The following DNM3 variants were observed in gnomAD, a reference collection of about 807,000 sequenced individuals.
DNM3 encodes the protein dynamin 3.
DNM3 carries 47 observed loss-of-function variants against 101.6 expected under a neutral mutation model. That is an observed-to-expected ratio of 0.46 (90% CI 0.37 to 0.59). The LOEUF is 0.59. Ranked by LOEUF, DNM3 falls within the 20% of genes least tolerant of loss-of-function variation. The probability of loss-of-function intolerance (pLI) is 0.00; values close to 1 mark genes in which losing one functional copy is unlikely to be tolerated. For synonymous variants in DNM3, 385 were observed against 387.9 expected, an observed-to-expected ratio of 0.99 and a Z score of 0.09; for missense variants, 849 against 1,085.7, an observed-to-expected ratio of 0.78 and a Z score of 3.06.
intron 14 of DNM3, among the ~76,000 whole-genome samples, chr1:172,187,374 A>G (rs2059562828): frequency 6.6e-6 from 1 of 152,114 alleles, no homozygotes; most frequent in Non-Finnish European, 1.5e-5. Flanking sequence ...CAATCTTAGC[A>G]TTATAATATA....
chr1:172,220,252 G>T (rs963304866), intron 14 of DNM3, among the ~76,000 whole-genome samples: 6 of 152,162 alleles, frequency 3.9e-5, no homozygotes, highest in Non-Finnish European at 7.3e-5. Context: ...CTAAAGTTGA[G>T]CCTTTGAGTT....
chr1:172,181,821 G>GCA (rs2059357647), intron 14 of DNM3, among the ~76,000 whole-genome samples: 1,488 of 92,372 alleles, frequency 0.016, 34 homozygotes, highest in African/African-American at 0.051. Context: ...TTTTTTTTTT[G>GCA]AAAATAAACT....
intron 17 of DNM3, among the ~76,000 whole-genome samples, chr1:172,347,657 A>G (rs778002396): frequency 6.6e-6 from 1 of 152,228 alleles, no homozygotes; most frequent in African/African-American, 2.4e-5. Context: ...AAAATCCGAA[A>G]GAAAAGGATT....
rs554485638 is a variant in DNM3, at chr1:172,352,912, A to C, written c.1894-26106A>C. 3.3e-5 allele frequency among the ~76,000 whole-genome samples: 5 copies of C among 152,286 alleles called. No homozygotes were observed. The South Asian group carries it at 1.0e-3, about 32-fold the overall frequency. ...ACAAATGGTCTTGAAAATCCTTTCC[A>C]ATAGACACAAGCAAACACAATAGGG... is the stretch of plus-strand genomic sequence containing the variant. On this transcript the variant is annotated intron_variant, in intron 17 of 20. Transcript: ENST00000627582.
At chr1:172,230,004 T>G (rs1458114906) in intron 14 of DNM3, among the ~76,000 whole-genome samples, 1 of 152,190 alleles carries the variant, frequency 6.6e-6, no homozygotes, top group East Asian at 1.9e-4. Flanking sequence ...AAGCTCCCTC[T>G]CTAGTGTTAC....
At position 172,388,591 on chromosome 1, in the gene DNM3, C is replaced by T. The variant is rs768076269; in HGVS notation, c.2304C>T (p.Pro768=). 3 of 1,613,894 alleles carry T rather than the reference C, an allele frequency of 1.9e-6. No individual in the cohort carries two copies. In the African/African-American group the frequency reaches 4.0e-5, roughly 22 times the overall value. ...QHSRRSPPPS[P]TTQRRPTLSA... ...TCCTCAGGTCACCTCCTCCAAGCCC[C>T]ACAACCCAAAGGAGGCCAACACTAA... is the stretch of plus-strand genomic sequence containing the variant. Residue 768 remains proline (P), a synonymous_variant, in exon 20 of 21, where the codon CCC becomes CCT. Coordinates refer to ENST00000627582, the MANE Select transcript of DNM3 (RefSeq NM_015569.5).
At position 172,328,767 on chromosome 1, in the gene DNM3, C is replaced by T. The variant is rs150765991; in HGVS notation, c.1893+5427C>T. Among the ~76,000 whole-genome samples, 16 of 152,272 alleles carry T rather than the reference C, an allele frequency of 1.1e-4. 1 individual carries two copies. The East Asian group carries it at 3.1e-3, about 29-fold the overall frequency. ...GCAATTAACCTATATAACAAACCTG[C>T]ATATCTACCCCCTGAGCCTAAAATA... On this transcript the variant is annotated intron_variant, in intron 17 of 20. Coordinates refer to ENST00000627582, the MANE Select transcript of DNM3 (RefSeq NM_015569.5).
chr1:172,395,649 C>T (rs2069921948), intron 20 of DNM3, among the ~76,000 whole-genome samples: 1 of 152,194 alleles, frequency 6.6e-6, no homozygotes, highest in African/African-American at 2.4e-5. Flanking sequence ...TTTTGCTTGC[C>T]TGTCATAACT....
At chr1:172,396,238 G>A (rs573270632) in intron 20 of DNM3, among the ~76,000 whole-genome samples, 1 of 152,246 alleles carries the variant, frequency 6.6e-6, no homozygotes, top group East Asian at 1.9e-4. Context: ...TCTACCCAAG[G>A]ACCTGAAAAT....
At chr1:172,235,327 C>G (rs2061497495) in intron 14 of DNM3, among the ~76,000 whole-genome samples, 1 of 152,102 alleles carries the variant, frequency 6.6e-6, no homozygotes, top group Non-Finnish European at 1.5e-5. Flanking sequence ...GAATGGCAAT[C>G]ATTAAAAAGT....
intron 15 of DNM3, among the ~76,000 whole-genome samples, chr1:172,294,076 A>G (rs2148824768): frequency 6.6e-6 from 1 of 152,340 alleles, no homozygotes; most frequent in Non-Finnish European, 1.5e-5. Context: ...ATTGATAGCT[A>G]AAAGCTATGG....
intron 17 of DNM3, chr1:172,366,763 A>C (rs1408447333): frequency 6.6e-6 from 1 of 151,862 alleles, no homozygotes; most frequent in Non-Finnish European, 1.5e-5. Context: ...TCAGCAATAG[A>C]CCAGATCAAC....
At chr1:172,041,910 C>T in intron 7 of DNM3, 99 bp from the exon 8 acceptor site, 1 of 1,384,146 alleles carries the variant, frequency 7.2e-7, no homozygotes, top group Non-Finnish European at 9.7e-7. Context: ...ACTAAGAGCA[C>T]CTGGAAAAGG....
chr1:172,198,151 T>G (rs936125563), intron 14 of DNM3, among the ~76,000 whole-genome samples: 1 of 152,172 alleles, frequency 6.6e-6, no homozygotes, highest in African/African-American at 2.4e-5. Context: ...CCTTTCTTCA[T>G]CTGTTGAGGT....
At position 172,214,659 on chromosome 1, in the gene DNM3, C is replaced by G. The variant is rs561732851; in HGVS notation, c.1660-38914C>G. 5.3e-5 allele frequency among the ~76,000 whole-genome samples: 8 copies of G among 152,072 alleles called. No individual in the cohort carries two copies. The East Asian group carries it at 1.4e-3, about 26-fold the overall frequency. On this transcript the variant is annotated intron_variant, in intron 14 of 20. Coordinates refer to ENST00000627582, the MANE Select transcript of DNM3 (RefSeq NM_015569.5). Reference sequence around the variant, plus strand: ...AATTATTATATACTATAGTTAATATCCTGCAGCTATAAAAATGACTGGGAA... The same window carrying G: ...AATTATTATATACTATAGTTAATATGCTGCAGCTATAAAAATGACTGGGAA...
chr1:172,088,664 A>C lies in DNM3; in HGVS notation c.1494-4160A>C, dbSNP rs10911008. Among the ~76,000 whole-genome samples, 1,464 of 152,266 alleles carry C rather than the reference A, an allele frequency of 9.6e-3. 30 individuals carry two copies. The highest frequency in any genetic ancestry group is 0.033 in the African/African-American group (1,389 of 41,550). On this transcript the variant is annotated intron_variant, in intron 12 of 20. Transcript: ENST00000627582. ...TCTACTTCCTGGCTTTGCTAATACC[A>C]GTCTATTCTCTTGGAACGTAGTCAT...
chr1:171,857,289 T>C (rs2033710870), intron 1 of DNM3, among the ~76,000 whole-genome samples: 1 of 152,104 alleles, frequency 6.6e-6, no homozygotes, highest in Admixed American at 6.6e-5. Flanking sequence ...TGAATGGTAA[T>C]AGGGCTTGAA....
chr1:172,167,366 GC>G (rs1167727261), intron 14 of DNM3, among the ~76,000 whole-genome samples: 2 of 152,034 alleles, frequency 1.3e-5, no homozygotes, highest in Non-Finnish European at 2.9e-5. Flanking sequence ...TGTGAATAGT[GC>G]CACCATAAAC....
intron 10 of DNM3, among the ~76,000 whole-genome samples, chr1:172,062,634 T>A (rs2051330705): frequency 6.6e-6 from 1 of 152,192 alleles, no homozygotes; most frequent in Non-Finnish European, 1.5e-5. Context: ...CTAGTTGGGA[T>A]CTGGCACTCC....
Sources: gnomAD v4.1 joint callset for allele counts (sites outside exome capture counted in the v4.1 genomes callset) on GRCh38, gnomAD v4.1.1 for gene constraint, MANE v1.5 for transcripts, NCBI Gene and HGNC (gene_info 2026-07-23, HGNC 2026-07-21) for gene names.